Variants in PDE1A observed in about 807,000 individuals in gnomAD.
PDE1A encodes phosphodiesterase 1A, also known as dual specificity calcium/calmodulin-dependent 3',5'-cyclic nucleotide phosphodiesterase 1A.
In PDE1A, 35 loss-of-function variants were observed where a neutral mutation model predicts 61.7. The observed-to-expected ratio is 0.57, with a 90% CI of 0.43 to 0.75. The LOEUF (loss-of-function observed/expected upper bound fraction) is 0.75. Among genes scored for constraint, PDE1A ranks in the 30% least tolerant of loss-of-function variants. PDE1A has a pLI of 0.00. For synonymous variants in PDE1A, 232 were observed against 213.2 expected, an observed-to-expected ratio of 1.09 and a Z score of -0.77; for missense variants, 597 against 630.6, an observed-to-expected ratio of 0.95 and a Z score of 0.57.
At chr2:182,149,624 C>T (rs768839474) in intron 13 of PDE1A, among the ~76,000 whole-genome samples, 32 of 152,128 alleles carry the variant, frequency 2.1e-4, no homozygotes, top group African/African-American at 4.1e-4. Flanking sequence ...TAGTTGTAGA[C>T]GCCTTTACAA....
At chr2:182,332,591 T>G (rs1176169482) in intron 1 of PDE1A, among the ~76,000 whole-genome samples, 1 of 152,170 alleles carries the variant, frequency 6.6e-6, no homozygotes, top group Non-Finnish European at 1.5e-5. Flanking sequence ...TCCTTTTCAT[T>G]TGTTCATTTT....
At chr2:182,664,217 T>C in the PDE1A span, among the ~76,000 whole-genome samples, 180 of 152,286 alleles carry the variant, frequency 1.2e-3, 1 homozygote, top group African/African-American at 4.2e-3. Flanking sequence ...GGAGAACAAT[T>C]TGAGAACATC....
chr2:182,164,545 C>T (rs1242537257), downstream of PDE1A, among the ~76,000 whole-genome samples: 2 of 152,138 alleles, frequency 1.3e-5, no homozygotes, highest in Non-Finnish European at 2.9e-5. Flanking sequence ...ATGACCCATT[C>T]TGTGGATACC....
intron 13 of PDE1A, among the ~76,000 whole-genome samples, chr2:182,151,383 G>C (rs1690771904): frequency 6.6e-6 from 1 of 152,172 alleles, no homozygotes; most frequent in Non-Finnish European, 1.5e-5. Context: ...GGGATTACAG[G>C]TGTGAGCCAC....
At chr2:182,250,012 G>A (rs1390221086) in intron 2 of PDE1A, among the ~76,000 whole-genome samples, 1 of 152,168 alleles carries the variant, frequency 6.6e-6, no homozygotes, top group Admixed American at 6.5e-5. Flanking sequence ...TCAACCAGGA[G>A]TGTCCATGTC....
intron 13 of PDE1A, among the ~76,000 whole-genome samples, chr2:182,156,110 T>A (rs1416858466): frequency 6.6e-6 from 1 of 152,188 alleles, no homozygotes; most frequent in African/African-American, 2.4e-5. Flanking sequence ...ATATCAATAA[T>A]CTGTCTATAT....
chr2:182,412,305 C>A (rs1201085806), intron 1 of PDE1A, among the ~76,000 whole-genome samples: 2 of 152,124 alleles, frequency 1.3e-5, no homozygotes, highest in Non-Finnish European at 2.9e-5. Flanking sequence ...AATGACTACT[C>A]CAAGATCCCA....
chr2:182,249,218 A>C (rs1360194738), intron 2 of PDE1A, among the ~76,000 whole-genome samples: 1 of 152,216 alleles, frequency 6.6e-6, no homozygotes, highest in Non-Finnish European at 1.5e-5. Context: ...GGGTACAAAC[A>C]CCAATAGCGT....
the PDE1A span, among the ~76,000 whole-genome samples, chr2:182,712,267 A>G: frequency 6.6e-6 from 1 of 152,248 alleles, no homozygotes; most frequent in Non-Finnish European, 1.5e-5. Context: ...CACTAAATTG[A>G]AACAAGTAGT....
At chr2:182,254,305 A>G (rs1691616004) in intron 2 of PDE1A, among the ~76,000 whole-genome samples, 1 of 152,166 alleles carries the variant, frequency 6.6e-6, no homozygotes, top group Non-Finnish European at 1.5e-5. Context: ...ACAGCCTACA[A>G]ACACAACACT....
At chr2:182,703,936 C>T in the PDE1A span, among the ~76,000 whole-genome samples, 4 of 151,972 alleles carry the variant, frequency 2.6e-5, no homozygotes, top group Non-Finnish European at 2.9e-5. Context: ...CGTGATGGCT[C>T]ACACCTGTAA....
chr2:182,626,792 C>CATATATATACATATATATACAT, the PDE1A span, among the ~76,000 whole-genome samples: 386 of 8,600 alleles, frequency 0.045, 3 homozygotes, highest in Non-Finnish European at 0.069. Context: ...CATATATATA[C>CATATATATACATATATATACAT]ATATATATAC....
intron 1 of PDE1A, among the ~76,000 whole-genome samples, chr2:182,341,741 C>T (rs1698198961): frequency 6.6e-6 from 1 of 152,170 alleles, no homozygotes. Flanking sequence ...GAATAAGCTA[C>T]AAATTTGGTA....
At chr2:182,705,764 T>A in the PDE1A span, among the ~76,000 whole-genome samples, 1 of 152,146 alleles carries the variant, frequency 6.6e-6, no homozygotes, top group Non-Finnish European at 1.5e-5. Context: ...TCCACCTGCC[T>A]TGGCCTCCCA....
chr2:182,165,120 A>G (rs1225225267), downstream of PDE1A, among the ~76,000 whole-genome samples: 4 of 152,276 alleles, frequency 2.6e-5, no homozygotes, highest in South Asian at 2.1e-4. Context: ...CTGAATCAGC[A>G]TCCAATATAT....
chr2:182,320,380 G>A (rs113910683), intron 1 of PDE1A, among the ~76,000 whole-genome samples: 17 of 152,188 alleles, frequency 1.1e-4, no homozygotes, highest in African/African-American at 3.4e-4. Flanking sequence ...TGTGTAGGCC[G>A]CACTGATGAA....
chr2:182,256,114 T>C (rs1359180712), intron 2 of PDE1A, among the ~76,000 whole-genome samples: 1 of 147,830 alleles, frequency 6.8e-6, no homozygotes, highest in African/African-American at 2.5e-5. Context: ...CTTTAAGTTT[T>C]AGGGTACATG....
intron 13 of PDE1A, among the ~76,000 whole-genome samples, chr2:182,172,335 A>G (rs1692300686): frequency 6.6e-6 from 1 of 152,022 alleles, no homozygotes; most frequent in Non-Finnish European, 1.5e-5. Flanking sequence ...AAAAAAGATG[A>G]TAGGCATTTG....
chr2:182,671,338 AT>A, the PDE1A span, among the ~76,000 whole-genome samples: 1,818 of 75,228 alleles, frequency 0.024, 22 homozygotes, highest in South Asian at 0.047. Context: ...CGACTGGCTA[AT>A]TTTTTTTTTT....
Sources: gnomAD v4.1 joint callset for allele counts (sites outside exome capture counted in the v4.1 genomes callset) on GRCh38, gnomAD v4.1.1 for gene constraint, MANE v1.5 for transcripts, NCBI Gene and HGNC (gene_info 2026-07-23, HGNC 2026-07-21) for gene names.